The following ANTXR2 variants were observed in gnomAD, a reference collection of about 807,000 sequenced individuals.
ANTXR2 encodes the protein anthrax toxin receptor 2.
Under a neutral mutation model 73.7 loss-of-function variants are expected in ANTXR2, and 44 were observed. The observed-to-expected ratio is 0.60, with a 90% CI of 0.47 to 0.77. The LOEUF (loss-of-function observed/expected upper bound fraction) is 0.77. ANTXR2 is among the 30% of genes least tolerant of loss of function. The pLI, the probability that ANTXR2 is intolerant of heterozygous loss-of-function variation, is 0.00. For missense variants in ANTXR2, 604 were observed against 592.5 expected (o/e 1.02, Z -0.20); for synonymous variants, 217 against 205.9 (o/e 1.05, Z -0.46).
chr4:80,021,071 C>A (rs1732135759), intron 10 of ANTXR2, among the ~76,000 whole-genome samples: 1 of 149,560 alleles, frequency 6.7e-6, no homozygotes. Flanking sequence ...ATCACTTGAA[C>A]CCGGGAGGCA....
chr4:79,950,126 G>A (rs1212558325), intron 16 of ANTXR2, among the ~76,000 whole-genome samples: 3 of 151,024 alleles, frequency 2.0e-5, no homozygotes, highest in Non-Finnish European at 4.4e-5. Context: ...AAATTAAATA[G>A]TCATCCTAAA....
chr4:79,912,478 C>T (rs962756729), intron 16 of ANTXR2, among the ~76,000 whole-genome samples: 2 of 151,880 alleles, frequency 1.3e-5, no homozygotes, highest in African/African-American at 2.4e-5. Flanking sequence ...AATAAAACTG[C>T]CTCCCTTCTA....
chr4:80,014,823 A>G (rs1486268512), intron 11 of ANTXR2, among the ~76,000 whole-genome samples: 1 of 152,042 alleles, frequency 6.6e-6, no homozygotes, highest in Non-Finnish European at 1.5e-5. Flanking sequence ...ACTACCTCCT[A>G]TTAGGAAAGT....
intron 16 of ANTXR2, among the ~76,000 whole-genome samples, chr4:79,929,459 C>A (rs913631950): frequency 6.6e-6 from 1 of 152,078 alleles, no homozygotes; most frequent in Non-Finnish European, 1.5e-5. Flanking sequence ...TTGCAGTGAG[C>A]CAAAATTGCG....
intron 16 of ANTXR2, among the ~76,000 whole-genome samples, chr4:79,974,258 A>G (rs142726639): frequency 4.7e-4 from 71 of 152,364 alleles, no homozygotes; most frequent in African/African-American, 1.6e-3. Context: ...TAAAGCTAAA[A>G]AGAATAGGTA....
At chr4:80,008,436 T>G (rs1003764289) in intron 12 of ANTXR2, 85 bp downstream of exon 12, 3 of 1,052,928 alleles carry the variant, frequency 2.8e-6, no homozygotes, top group South Asian at 1.6e-5. Context: ...TTGCTGTTAT[T>G]AACATGGCAT....
chr4:80,071,516 A>T, intron 2 of ANTXR2, 67 bp downstream of exon 2: 2 of 1,390,528 alleles, frequency 1.4e-6, no homozygotes. Context: ...AAAAGGTTTC[A>T]GAAAAGGGAA....
chr4:80,040,790 A>T (rs1467958914), intron 7 of ANTXR2, among the ~76,000 whole-genome samples: 1 of 151,852 alleles, frequency 6.6e-6, no homozygotes, highest in Non-Finnish European at 1.5e-5. Flanking sequence ...ACATATTGGC[A>T]AAGAACCTGA....
Position 79,983,962 on chromosome 4 carries a change from T to G in ANTXR2, c.1095A>C (p.Glu365Asp). Residue 365 changes from glutamate to aspartate, a missense_variant, in exon 14 of 17, where the codon GAA (glutamate) becomes GAC (aspartate). Transcript: ENST00000403729. ...PPAPAPKEEE[E>D]EPLPTKKWPT... Reference sequence around the variant, plus strand: ...GCCACTTTTTAGTAGGCAAAGGTTCTTCTTCCTCCTGTGGAAATATGTTTT... The same window carrying G: ...GCCACTTTTTAGTAGGCAAAGGTTCGTCTTCCTCCTGTGGAAATATGTTTT... The G allele has an allele frequency of 1.3e-6, 2 of 1,588,578 alleles. No individual in the cohort carries two copies. The highest frequency in any genetic ancestry group is 1.7e-6 in the Non-Finnish European group (2 of 1,170,008).
At chr4:80,071,328 C>T (rs1000239692) in intron 2 of ANTXR2, among the ~76,000 whole-genome samples, 2 of 151,956 alleles carry the variant, frequency 1.3e-5, no homozygotes, top group Non-Finnish European at 2.9e-5. Context: ...GATGAAAATT[C>T]GGAAAGAAAA....
At chr4:79,977,849 G>A in intron 15 of ANTXR2, 148 bp from the exon 16 acceptor site, 2 of 1,228,884 alleles carry the variant, frequency 1.6e-6, no homozygotes, top group Non-Finnish European at 2.3e-6. Flanking sequence ...AAACCTAGAG[G>A]TTCTTATTGC....
Position 80,055,920 on chromosome 4 carries a change from A to G in ANTXR2, c.378+12T>C, listed in dbSNP as rs938130333. 36 of 1,495,218 alleles carry G rather than the reference A, an allele frequency of 2.4e-5. No individual in the cohort carries two copies. Among genetic ancestry groups the G allele is most frequent in the Non-Finnish European group, 3.0e-5 (33 of 1,110,730 alleles). The allele number at this position is 1,495,218 out of a possible 1,614,324, so 92.6% of individuals were successfully genotyped here. A position where few individuals can be genotyped will look rare whatever the true frequency, so the allele number is the denominator to read the frequency against. ...CATTCTCTCCCATATTTACAAATGT[A>G]AAATAACTTACTAGCTTTAGTCCTT... On this transcript the variant is annotated intron_variant, in intron 4 of 16. Coordinates refer to ENST00000403729, the MANE Select transcript of ANTXR2 (RefSeq NM_058172.6).
rs969257505 is a variant in ANTXR2 at position 79,906,257 on chromosome 4, T to C, written c.*1172A>G. ...TAATTTGTAAATTGAAGAAAGGTGG[T>C]CTTTTTCCTCTACTGAATCATAACC... On this transcript the variant is annotated 3_prime_UTR_variant, in exon 17 of 17. Coordinates refer to ENST00000403729, the MANE Select transcript of ANTXR2 (RefSeq NM_058172.6). The C allele has an allele frequency of 3.3e-5, 5 of 152,552 alleles. No individual in the cohort carries two copies. The highest frequency in any genetic ancestry group is 9.7e-5 in the African/African-American group (4 of 41,428). The allele number at this position is 152,552 out of a possible 1,614,324, so 9.4% of individuals were successfully genotyped here.
intron 12 of ANTXR2, 95 bp from the exon 13 acceptor site, chr4:79,984,958 G>T: frequency 9.8e-7 from 1 of 1,021,166 alleles, no homozygotes; most frequent in Non-Finnish European, 1.4e-6. Context: ...TACTGTGGTA[G>T]CTCCAAAGAA....
rs1281694150 is a variant in ANTXR2, at chr4:79,977,048, CA to C, written c.1428+572del. 2.6e-5 allele frequency among the ~76,000 whole-genome samples: 4 copies of C among 152,316 alleles called. No homozygotes were observed. The South Asian group carries it at 8.3e-4, about 32-fold the overall frequency. On this transcript the variant is annotated intron_variant, in intron 16 of 16. Transcript: ENST00000403729. Reference sequence around the variant, plus strand: ...TATTTCCAAAACAAAAATATAGCCTCAGACAGGCTTCCCTGGTGGGGAAAAA... The same window carrying C: ...TATTTCCAAAACAAAAATATAGCCTCGACAGGCTTCCCTGGTGGGGAAAAA...
In ANTXR2 at chr4:80,055,202, G is replaced by T; in HGVS notation, c.503C>A (p.Ser168Ter). The change falls in exon 6 of 17, where the codon TCA becomes TAA. Residue 168 changes from serine to a stop codon, truncating the protein, a stop_gained. Coordinates refer to ENST00000403729, the MANE Select transcript of ANTXR2 (RefSeq NM_058172.6). LOFTEE classifies it high-confidence loss of function. The stretch of plus-strand genomic sequence containing the variant: ...AACACAATAAACACTAGCCCCAAGT[G>T]ACCTGGATATCTTTGCCTATGGAGA... ...YAEKEAKISR[S>*]LGASVYCVGV... 2 of 1,569,208 alleles carry T rather than the reference G, an allele frequency of 1.3e-6. No individual in the cohort carries two copies. Among genetic ancestry groups the T allele is most frequent in the South Asian group, 1.2e-5 (1 of 85,614 alleles).
chr4:79,925,559 T>C (rs1727750633), intron 16 of ANTXR2, among the ~76,000 whole-genome samples: 1 of 152,100 alleles, frequency 6.6e-6, no homozygotes, highest in Admixed American at 6.6e-5. Flanking sequence ...GCTATAATAA[T>C]ACTAATTTTC....
chr4:80,017,702 C>T (rs1731941142), intron 11 of ANTXR2, among the ~76,000 whole-genome samples: 1 of 152,106 alleles, frequency 6.6e-6, no homozygotes, highest in Admixed American at 6.6e-5. Context: ...GGAAGGAATG[C>T]CATTTCAGTG....
chr4:80,056,156 C>A, intron 3 of ANTXR2, 143 bp from the exon 4 acceptor site: 1 of 498,864 alleles, frequency 2.0e-6, no homozygotes, highest in Non-Finnish European at 3.4e-6. Flanking sequence ...AGGCAGATAA[C>A]TTCATATACT....
Sources: allele counts gnomAD v4.1 joint callset (sites outside exome capture counted in the v4.1 genomes callset), GRCh38; gene constraint gnomAD v4.1.1; transcripts MANE v1.5; gene names NCBI Gene and HGNC (gene_info 2026-07-23, HGNC 2026-07-21).